SIPA1L3: variants seen among roughly 807,000 people sequenced by gnomAD.
SIPA1L3 encodes signal-induced proliferation-associated 1-like protein 3.
A neutral mutation model predicts 150.1 loss-of-function variants in SIPA1L3; 59 were observed. That is an observed-to-expected ratio of 0.39 (90% CI 0.32 to 0.49). The LOEUF (loss-of-function observed/expected upper bound fraction) is 0.49. SIPA1L3 is among the 20% of genes least tolerant of loss of function. SIPA1L3 has a pLI of 0.86. For synonymous variants in SIPA1L3, 1,070 were observed against 1,077.6 expected, an observed-to-expected ratio of 0.99 and a Z score of 0.14; for missense variants, 2,211 against 2,489.5, an observed-to-expected ratio of 0.89 and a Z score of 2.38.
intron 2 of SIPA1L3, among the ~76,000 whole-genome samples, chr19:38,076,588 A>T (rs1296968051): frequency 6.6e-6 from 1 of 152,196 alleles, no homozygotes; most frequent in Non-Finnish European, 1.5e-5. Context: ...CCTAGTTTTC[A>T]TCGTGTTTAG....
At chr19:38,173,142 A>C (rs892235579) in intron 15 of SIPA1L3, among the ~76,000 whole-genome samples, 1 of 152,238 alleles carries the variant, frequency 6.6e-6, no homozygotes, top group Non-Finnish European at 1.5e-5. Flanking sequence ...AAAAATAGAA[A>C]AGATCACTGT....
chr19:38,192,277 C>T lies in SIPA1L3; in HGVS notation c.4563C>T (p.Asp1521=). 2 of 1,612,614 alleles carry T rather than the reference C, an allele frequency of 1.2e-6. No homozygotes were observed. Among genetic ancestry groups the T allele is most frequent in the Non-Finnish European group, 1.7e-6 (2 of 1,179,294 alleles). The change falls in exon 17 of 22, where the codon GAC becomes GAT. Residue 1521 remains aspartate (D), a synonymous_variant. Transcript: ENST00000222345. ...ACCTGAAGAAACTCATCATCATGGA[C>T]AACCTGGGGCCAGAGCAGGAGAGAG... is the stretch of plus-strand genomic sequence containing the variant. The part of the protein sequence containing the change: ...EDDLKKLIIM[D]NLGPEQERDT...
At position 37,937,741 on chromosome 19, in the gene SIPA1L3, C is replaced by CAAAAAAAAAAAAAAAAAA. The variant is rs34881450; in HGVS notation, c.-379+30389_-379+30406dup. Among the ~76,000 whole-genome samples the CAAAAAAAAAAAAAAAAAA allele has an allele frequency of 1.2e-3, 22 of 18,676 alleles. 3 individuals are homozygous for CAAAAAAAAAAAAAAAAAA. Among genetic ancestry groups the CAAAAAAAAAAAAAAAAAA allele is most frequent in the African/African-American group, 1.7e-3 (7 of 4,008 alleles). 12.3% of individuals were successfully genotyped at this position (18,676 alleles called of 152,430 possible). ...AGGGCGACAGAGTGAAACCCTGTCT[C>CAAAAAAAAAAAAAAAAAA]AAAAAAAAAAAAAAAAAAAAAAAGA... On this transcript the variant is annotated intron_variant, in intron 1 of 21. Coordinates refer to ENST00000222345, the MANE Select transcript of SIPA1L3 (RefSeq NM_015073.3).
intron 4 of SIPA1L3, among the ~76,000 whole-genome samples, chr19:38,090,368 G>C (rs2145840261): frequency 6.6e-6 from 1 of 150,820 alleles, no homozygotes; most frequent in Admixed American, 6.6e-5. Context: ...TGATTTATCT[G>C]GGAAGAACTC....
chr19:38,136,640 C>T (rs754123), intron 10 of SIPA1L3, among the ~76,000 whole-genome samples: 28,025 of 152,070 alleles, frequency 0.18, 2,971 homozygotes, highest in African/African-American at 0.29. Flanking sequence ...TGAAGCAGGC[C>T]TTCTCAAATG....
At chr19:38,172,137 G>C (rs1199189951) in intron 15 of SIPA1L3, among the ~76,000 whole-genome samples, 2 of 152,180 alleles carry the variant, frequency 1.3e-5, no homozygotes, top group Non-Finnish European at 2.9e-5. Context: ...GCCTGAGCTG[G>C]AGGACAAAGC....
At chr19:38,178,020 C>T (rs1003449401) in intron 15 of SIPA1L3, among the ~76,000 whole-genome samples, 2 of 151,516 alleles carry the variant, frequency 1.3e-5, no homozygotes, top group African/African-American at 4.9e-5. Context: ...TCCAACTTTT[C>T]CTGATTATAA....
intron 1 of SIPA1L3, among the ~76,000 whole-genome samples, chr19:37,991,967 A>G (rs1275360936): frequency 6.6e-6 from 1 of 152,126 alleles, no homozygotes. Context: ...TTTTTCAAAT[A>G]CCTGCCTCGT....
intron 4 of SIPA1L3, among the ~76,000 whole-genome samples, chr19:38,094,804 C>G (rs764769313): frequency 6.6e-6 from 1 of 152,116 alleles, no homozygotes; most frequent in African/African-American, 2.4e-5. Flanking sequence ...TGGTAGCTCA[C>G]GCCTGTAATC....
intron 1 of SIPA1L3, among the ~76,000 whole-genome samples, chr19:37,912,126 A>G (rs1421971264): frequency 6.6e-6 from 1 of 151,488 alleles, no homozygotes; most frequent in African/African-American, 2.4e-5. Context: ...AATCCCAGCT[A>G]CTTGGGAGGC....
chr19:37,966,030 A>G (rs1161406244), intron 1 of SIPA1L3, among the ~76,000 whole-genome samples: 1 of 152,162 alleles, frequency 6.6e-6, no homozygotes, highest in Non-Finnish European at 1.5e-5. Flanking sequence ...TGCCGGGCTC[A>G]GTTCTCCACC....
chr19:38,006,804 C>A (rs1226560337), intron 1 of SIPA1L3, among the ~76,000 whole-genome samples: 1 of 152,166 alleles, frequency 6.6e-6, no homozygotes, highest in Non-Finnish European at 1.5e-5. Flanking sequence ...TTCTAGGAAG[C>A]TTCACCTACA....
chr19:38,124,097 G>A (rs1216763530), intron 9 of SIPA1L3, among the ~76,000 whole-genome samples: 3 of 150,760 alleles, frequency 2.0e-5, no homozygotes, highest in African/African-American at 7.3e-5. Flanking sequence ...GGCCGGGCGG[G>A]GGGCTGACCC....
intron 18 of SIPA1L3, among the ~76,000 whole-genome samples, chr19:38,196,813 C>T (rs957879153): frequency 6.6e-6 from 1 of 152,138 alleles, no homozygotes; most frequent in Non-Finnish European, 1.5e-5. Context: ...AGGCCAAGGA[C>T]TCGTTCATTC....
chr19:37,957,497 T>C (rs933643294), intron 1 of SIPA1L3, among the ~76,000 whole-genome samples: 4 of 152,212 alleles, frequency 2.6e-5, no homozygotes, highest in Non-Finnish European at 4.4e-5. Context: ...ACACTTATGT[T>C]AAATTTATTC....
At chr19:38,160,380 A>G (rs1972054211) in intron 13 of SIPA1L3, among the ~76,000 whole-genome samples, 1 of 150,648 alleles carries the variant, frequency 6.6e-6, no homozygotes, top group Admixed American at 6.6e-5. Flanking sequence ...AGGTTAAACC[A>G]GTTGACATCC....
intron 2 of SIPA1L3, among the ~76,000 whole-genome samples, chr19:38,055,992 G>T (rs570901437): frequency 6.6e-6 from 1 of 152,178 alleles, no homozygotes; most frequent in African/African-American, 2.4e-5. Context: ...GCCCTGAGAC[G>T]GCTCATTTAT....
chr19:37,957,204 C>G (rs552247736), intron 1 of SIPA1L3, among the ~76,000 whole-genome samples: 2 of 152,166 alleles, frequency 1.3e-5, no homozygotes, highest in Non-Finnish European at 2.9e-5. Flanking sequence ...CTTTAGAAAT[C>G]GGGAAGTGTT....
At chr19:38,020,258 C>T (rs1192863845) in intron 1 of SIPA1L3, among the ~76,000 whole-genome samples, 1 of 152,150 alleles carries the variant, frequency 6.6e-6, no homozygotes, top group African/African-American at 2.4e-5. Flanking sequence ...AACTGAGGCA[C>T]AGAGAGGGTA....
Sources: allele counts gnomAD v4.1 joint callset (sites outside exome capture counted in the v4.1 genomes callset), GRCh38; gene constraint gnomAD v4.1.1; transcripts MANE v1.5; gene names NCBI Gene and HGNC (gene_info 2026-07-23, HGNC 2026-07-21).